Variants in CSMD3 observed in about 807,000 individuals in gnomAD.
CSMD3 encodes CUB and Sushi multiple domains 3.
In CSMD3, 177 loss-of-function variants were observed where a neutral mutation model predicts 435.2. That is an observed-to-expected ratio of 0.41 (90% confidence interval 0.36 to 0.46). The LOEUF (loss-of-function observed/expected upper bound fraction) is 0.46, where lower values mean the gene tolerates loss of function less well. Among genes scored for constraint, CSMD3 ranks in the 20% least tolerant of loss-of-function variants. The pLI, the probability that CSMD3 is intolerant of heterozygous loss-of-function variation, is 0.34. For synonymous variants in CSMD3, 1,656 were observed against 1,520.5 expected (o/e 1.09, Z -2.07); for missense variants, 4,265 against 4,504.6 (o/e 0.95, Z 1.52).
chr8:112,256,145 C>T (rs1358591424), intron 61 of CSMD3, among the ~76,000 whole-genome samples: 1 of 151,990 alleles, frequency 6.6e-6, no homozygotes, highest in African/African-American at 2.4e-5. Context: ...AAACATTATT[C>T]TAGGTGGTTT....
intron 13 of CSMD3, among the ~76,000 whole-genome samples, chr8:112,697,039 A>G (rs1174948343): frequency 6.6e-6 from 1 of 150,684 alleles, no homozygotes; most frequent in African/African-American, 2.4e-5. Flanking sequence ...ACCATCTCAC[A>G]CCAGTTAGAA....
chr8:112,398,913 T>G (rs1007793140), intron 35 of CSMD3, among the ~76,000 whole-genome samples: 2 of 151,792 alleles, frequency 1.3e-5, no homozygotes, highest in Non-Finnish European at 2.9e-5. Context: ...CGTTACTTGA[T>G]TAAACTCTTT....
chr8:112,888,289 G>C (rs1220082546), intron 10 of CSMD3, among the ~76,000 whole-genome samples: 1 of 151,578 alleles, frequency 6.6e-6, no homozygotes, highest in East Asian at 2.0e-4. Flanking sequence ...CTCAAGCACG[G>C]ATAATCGAAT....
chr8:113,253,917 T>C (rs1487157283), intron 3 of CSMD3, among the ~76,000 whole-genome samples: 2 of 152,138 alleles, frequency 1.3e-5, no homozygotes, highest in Non-Finnish European at 2.9e-5. Flanking sequence ...CTATATCTTA[T>C]CCTAACATGT....
intron 3 of CSMD3, 114 bp from the exon 4 acceptor site, chr8:113,174,030 G>A: frequency 1.3e-6 from 1 of 788,782 alleles, no homozygotes; most frequent in Non-Finnish European, 2.1e-6. Context: ...TTGGAGAAGA[G>A]TCACTGAAAG....
chr8:112,362,621 T>A (rs980580146), intron 38 of CSMD3, among the ~76,000 whole-genome samples: 2 of 151,942 alleles, frequency 1.3e-5, no homozygotes, highest in African/African-American at 4.8e-5. Context: ...CAGAGATCAA[T>A]CAGCAACATA....
chr8:113,042,733 A>T (rs1032403005), intron 5 of CSMD3, among the ~76,000 whole-genome samples: 1 of 152,164 alleles, frequency 6.6e-6, no homozygotes, highest in African/African-American at 2.4e-5. Context: ...ATATAGGAAT[A>T]TGAGGGGAGC....
chr8:112,921,843 T>C (rs1036911289), intron 9 of CSMD3, 92 bp from the exon 10 acceptor site: 33 of 956,218 alleles, frequency 3.5e-5, no homozygotes, highest in Non-Finnish European at 5.4e-5. Context: ...ATAGGTCAAA[T>C]ATGTACTATA....
At chr8:112,994,678 T>C (rs969603832) in intron 6 of CSMD3, among the ~76,000 whole-genome samples, 1 of 151,628 alleles carries the variant, frequency 6.6e-6, no homozygotes, top group African/African-American at 2.4e-5. Flanking sequence ...CCAAGTCTAA[T>C]GCTTTTTGTT....
At chr8:112,686,373 T>C (rs1303815792) in intron 14 of CSMD3, among the ~76,000 whole-genome samples, 1 of 151,796 alleles carries the variant, frequency 6.6e-6, no homozygotes, top group African/African-American at 2.4e-5. Context: ...AAAGTTCACA[T>C]AGAACATTTA....
At chr8:112,801,913 G>T (rs1018308313) in intron 12 of CSMD3, among the ~76,000 whole-genome samples, 3 of 151,868 alleles carry the variant, frequency 2.0e-5, no homozygotes, top group African/African-American at 7.3e-5. Context: ...TTGAAGTATT[G>T]CTCTTTTTTA....
At chr8:112,978,064 C>A (rs1719125148) in intron 6 of CSMD3, among the ~76,000 whole-genome samples, 1 of 151,788 alleles carries the variant, frequency 6.6e-6, no homozygotes, top group Non-Finnish European at 1.5e-5. Context: ...TTTAATTGAG[C>A]CTTTTTATTT....
At chr8:112,461,757 G>A (rs1817470722) in intron 32 of CSMD3, among the ~76,000 whole-genome samples, 1 of 152,120 alleles carries the variant, frequency 6.6e-6, no homozygotes, top group Non-Finnish European at 1.5e-5. Context: ...AGAGAAGAAT[G>A]TAGCATGCCA....
chr8:112,737,246 C>A (rs1331475934), intron 13 of CSMD3, among the ~76,000 whole-genome samples: 1 of 151,826 alleles, frequency 6.6e-6, no homozygotes, highest in Non-Finnish European at 1.5e-5. Flanking sequence ...ACTTTTGAGA[C>A]CTTGTCAGGA....
At chr8:112,814,628 G>A (rs993468257) in intron 12 of CSMD3, among the ~76,000 whole-genome samples, 5 of 151,934 alleles carry the variant, frequency 3.3e-5, no homozygotes, top group African/African-American at 1.2e-4. Flanking sequence ...ACTAAAAACA[G>A]AAAAATTAGT....
intron 54 of CSMD3, among the ~76,000 whole-genome samples, chr8:112,294,759 G>T (rs552961918): frequency 6.6e-6 from 1 of 151,976 alleles, no homozygotes; most frequent in Non-Finnish European, 1.5e-5. Context: ...CAACCTAAAA[G>T]ATCACATGGA....
chr8:112,524,057 G>A (rs1232535410), intron 27 of CSMD3, among the ~76,000 whole-genome samples: 1 of 151,948 alleles, frequency 6.6e-6, no homozygotes, highest in Non-Finnish European at 1.5e-5. Context: ...TATTGAGCCA[G>A]GTATTATGCT....
intron 31 of CSMD3, among the ~76,000 whole-genome samples, chr8:112,489,739 A>AT (rs1274880238): frequency 4.6e-5 from 7 of 152,168 alleles, no homozygotes; most frequent in Non-Finnish European, 7.4e-5. Flanking sequence ...CTAAAACAGG[A>AT]TTTTTTGTTT....
chr8:112,884,197 C>T (rs776836670), intron 10 of CSMD3, among the ~76,000 whole-genome samples: 23 of 151,842 alleles, frequency 1.5e-4, no homozygotes, highest in Non-Finnish European at 1.2e-4. Context: ...TCTATCTTTT[C>T]AAACAATGTA....
Sources: allele counts gnomAD v4.1 joint callset (sites outside exome capture counted in the v4.1 genomes callset), GRCh38; gene constraint gnomAD v4.1.1; transcripts MANE v1.5; gene names NCBI Gene and HGNC (gene_info 2026-07-23, HGNC 2026-07-21).